The following BRD10 variants were observed in gnomAD, a reference collection of about 807,000 sequenced individuals.
The protein encoded by BRD10 is uncharacterized bromodomain-containing protein 10.
the BRD10 span, among the ~76,000 whole-genome samples, chr9:5,951,260 G>T: frequency 1.3e-5 from 2 of 151,616 alleles, no homozygotes; most frequent in African/African-American, 4.8e-5. Flanking sequence ...TTTAAAAAAA[G>T]TCAACAAAAA....
the BRD10 span, chr9:5,969,375 C>T: frequency 6.2e-7 from 1 of 1,607,982 alleles, no homozygotes; most frequent in Non-Finnish European, 8.5e-7. Context: ...AGTTTTCTTT[C>T]CCATTCTTCT....
chr9:5,977,126 G>C, the BRD10 span, among the ~76,000 whole-genome samples: 3 of 152,212 alleles, frequency 2.0e-5, no homozygotes, highest in African/African-American at 7.2e-5. Flanking sequence ...AACACAGTTT[G>C]CCTGGTAGGC....
chr9:5,922,291 A>G, the BRD10 span: 1 of 1,613,976 alleles, frequency 6.2e-7, no homozygotes, highest in East Asian at 2.2e-5. Flanking sequence ...TTGATGACAG[A>G]GGCTGACCTG....
At chr9:5,908,900 T>G in the BRD10 span, 1 of 564,958 alleles carries the variant, frequency 1.8e-6, no homozygotes, top group Non-Finnish European at 3.1e-6. Flanking sequence ...ATGAGAAATA[T>G]TAAATTGGGA....
chr9:6,004,899 G>A, the BRD10 span, among the ~76,000 whole-genome samples: 3 of 152,172 alleles, frequency 2.0e-5, no homozygotes, highest in Non-Finnish European at 4.4e-5. Flanking sequence ...ATCCACAAGT[G>A]TGGTCTCGCA....
At chr9:5,934,587 A>G in the BRD10 span, among the ~76,000 whole-genome samples, 5,781 of 152,042 alleles carry the variant, frequency 0.038, 310 homozygotes, top group South Asian at 0.13. Flanking sequence ...GCTGGTCTTG[A>G]ACTTCTGACC....
chr9:5,896,302 A>G, the BRD10 span, among the ~76,000 whole-genome samples: 1 of 152,218 alleles, frequency 6.6e-6, no homozygotes, highest in South Asian at 2.1e-4. Flanking sequence ...TTGGTGCTCA[A>G]TGAATGGTAG....
At chr9:5,968,708 T>C in the BRD10 span, 3 of 1,613,878 alleles carry the variant, frequency 1.9e-6, no homozygotes, top group South Asian at 2.2e-5. Context: ...TTTCTCCAAT[T>C]TAATCCGAGG....
chr9:6,007,356 C>T, the BRD10 span: 2 of 1,613,468 alleles, frequency 1.2e-6, no homozygotes, highest in South Asian at 1.1e-5. Context: ...TGGCGAACTT[C>T]TCTTCCATCT....
chr9:5,916,909 T>C, the BRD10 span, among the ~76,000 whole-genome samples: 1 of 152,196 alleles, frequency 6.6e-6, no homozygotes, highest in Non-Finnish European at 1.5e-5. Flanking sequence ...AATTTAACTT[T>C]GTGCTCTAGC....
At chr9:5,972,079 A>C in the BRD10 span, among the ~76,000 whole-genome samples, 1 of 152,214 alleles carries the variant, frequency 6.6e-6, no homozygotes, top group Non-Finnish European at 1.5e-5. Flanking sequence ...CAACAACAAA[A>C]TCAAATCTCT....
chr9:5,989,478 A>G, the BRD10 span, among the ~76,000 whole-genome samples: 120 of 150,462 alleles, frequency 8.0e-4, no homozygotes, highest in African/African-American at 2.8e-3. Flanking sequence ...CCCTATAGTT[A>G]TATTTCCCTG....
the BRD10 span, among the ~76,000 whole-genome samples, chr9:5,970,169 C>G: frequency 6.6e-6 from 1 of 152,030 alleles, no homozygotes. Flanking sequence ...AAGTTATGTA[C>G]TTACCAATGT....
the BRD10 span, among the ~76,000 whole-genome samples, chr9:5,979,469 C>T: frequency 3.3e-5 from 5 of 151,470 alleles, no homozygotes; most frequent in East Asian, 9.7e-4. Flanking sequence ...GTCGTGATCA[C>T]ATCATGCCAG....
chr9:5,989,426 CA>C, the BRD10 span, among the ~76,000 whole-genome samples: 1,120 of 72,898 alleles, frequency 0.015, 11 homozygotes, highest in African/African-American at 0.043. Context: ...GTTCCTACCT[CA>C]AAAAAAAAAA....
the BRD10 span, among the ~76,000 whole-genome samples, chr9:5,955,929 T>C: frequency 6.6e-6 from 1 of 152,158 alleles, no homozygotes; most frequent in Non-Finnish European, 1.5e-5. Context: ...CCATAAGTAT[T>C]GCTGAAGGGG....
At chr9:5,957,547 C>A in the BRD10 span, among the ~76,000 whole-genome samples, 1 of 152,046 alleles carries the variant, frequency 6.6e-6, no homozygotes, top group South Asian at 2.1e-4. Context: ...GCACTAGGAG[C>A]ATACATGTGA....
At chr9:6,007,451 C>T in the BRD10 span, 1 of 1,608,218 alleles carries the variant, frequency 6.2e-7, no homozygotes, top group Non-Finnish European at 8.5e-7. Flanking sequence ...GCCACCTCCT[C>T]CTCCGCGGTG....
At chr9:5,913,869 T>A in the BRD10 span, 1 of 303,254 alleles carries the variant, frequency 3.3e-6, no homozygotes, top group Non-Finnish European at 6.5e-6. Flanking sequence ...TGAGTAAGCA[T>A]CTTTGTAGTC....
Sources: gnomAD v4.1 joint callset for allele counts (sites outside exome capture counted in the v4.1 genomes callset) on GRCh38, gnomAD v4.1.1 for gene constraint, MANE v1.5 for transcripts, NCBI Gene and HGNC (gene_info 2026-07-23, HGNC 2026-07-21) for gene names.